Variants in SIAH3 observed in about 807,000 individuals in gnomAD.
SIAH3 encodes the protein seven in absentia homolog 3.
In SIAH3, 9 loss-of-function variants were observed where a neutral mutation model predicts 12.6. The ratio of observed to expected loss-of-function variants is 0.72; its 90% CI spans 0.43 to 1.25. SIAH3 has a LOEUF of 1.25. Ranked by LOEUF, SIAH3 falls within the 50% of genes most tolerant of loss-of-function variation. The pLI, the probability that SIAH3 is intolerant of heterozygous loss-of-function variation, is 0.00. For synonymous variants in SIAH3, 154 were observed against 151.1 expected, an observed-to-expected ratio of 1.02 and a Z score of -0.14; for missense variants, 390 against 365.4, an observed-to-expected ratio of 1.07 and a Z score of -0.55.
At chr13:45,824,359 G>A (rs895808242) in intron 1 of SIAH3, among the ~76,000 whole-genome samples, 4 of 152,184 alleles carry the variant, frequency 2.6e-5, no homozygotes, top group African/African-American at 9.7e-5. Flanking sequence ...CCCACAGCAG[G>A]CACAGGACCT....
intron 1 of SIAH3, among the ~76,000 whole-genome samples, chr13:45,837,995 T>C (rs1411398527): frequency 6.6e-6 from 1 of 152,208 alleles, no homozygotes; most frequent in Non-Finnish European, 1.5e-5. Context: ...ATTTTATGTC[T>C]ATTGTATTCA....
intron 1 of SIAH3, among the ~76,000 whole-genome samples, chr13:45,800,547 C>A (rs1275825894): frequency 2.0e-5 from 3 of 152,272 alleles, no homozygotes; most frequent in Middle Eastern, 3.4e-3. Context: ...CCTCTGCTGC[C>A]CACCCTCAAC....
intron 1 of SIAH3, among the ~76,000 whole-genome samples, chr13:45,805,371 A>G (rs1330196567): frequency 6.6e-6 from 1 of 152,198 alleles, no homozygotes; most frequent in Non-Finnish European, 1.5e-5. Flanking sequence ...ATACTGGTAT[A>G]AAAACAGACC....
At chr13:45,846,182 C>G (rs556595627) in intron 1 of SIAH3, among the ~76,000 whole-genome samples, 2 of 148,934 alleles carry the variant, frequency 1.3e-5, no homozygotes, top group South Asian at 2.1e-4. Flanking sequence ...GTCTGCCTCC[C>G]GGGTTCAAGC....
intron 1 of SIAH3, among the ~76,000 whole-genome samples, chr13:45,816,747 C>T (rs942672169): frequency 2.6e-5 from 4 of 152,190 alleles, no homozygotes; most frequent in Admixed American, 2.6e-4. Flanking sequence ...CCAAGACAGC[C>T]AATCCAGTGT....
rs1228759332 is a variant in SIAH3, at chr13:45,782,451, C to T, written c.*932G>A. ...TTTGCATGATATGAAAGAACTGCAC[C>T]CTAGGGAGGAACTGATGGATTTTAT... On this transcript the variant is annotated 3_prime_UTR_variant, in exon 2 of 2. Transcript: ENST00000400405. 2 of 152,032 alleles carry T rather than the reference C, an allele frequency of 1.3e-5. No individual in the cohort carries two copies. The highest frequency in any genetic ancestry group is 2.9e-5 in the Non-Finnish European group (2 of 67,994). 9.4% of individuals were successfully genotyped at this position (152,032 alleles called of 1,614,324 possible).
chr13:45,791,171 A>G (rs1430075924), intron 1 of SIAH3, among the ~76,000 whole-genome samples: 2 of 152,110 alleles, frequency 1.3e-5, no homozygotes, highest in Non-Finnish European at 2.9e-5. Context: ...TCAAAGAAAA[A>G]AAAAAAGAAA....
At chr13:45,834,599 G>A (rs1950711591) in intron 1 of SIAH3, among the ~76,000 whole-genome samples, 2 of 152,154 alleles carry the variant, frequency 1.3e-5, no homozygotes, top group Admixed American at 1.3e-4. Context: ...GGTCCTCTTG[G>A]AGGCTGTCCC....
chr13:45,807,647 A>C (rs1470572285), intron 1 of SIAH3, among the ~76,000 whole-genome samples: 2 of 152,214 alleles, frequency 1.3e-5, no homozygotes, highest in Non-Finnish European at 2.9e-5. Flanking sequence ...GAGAAGACTC[A>C]GTGTAAAAAA....
At chr13:45,799,891 C>T (rs1950575567) in intron 1 of SIAH3, among the ~76,000 whole-genome samples, 1 of 152,208 alleles carries the variant, frequency 6.6e-6, no homozygotes, top group Non-Finnish European at 1.5e-5. Context: ...GAAGATAAAT[C>T]TTCTGGGGGG....
In SIAH3 at chr13:45,835,099, C is replaced by T. The variant is rs527675207; in HGVS notation, c.135+16396G>A. Among the ~76,000 whole-genome samples the T allele has an allele frequency of 2.4e-4, 36 of 152,282 alleles. 1 individual carries two copies. Among genetic ancestry groups the T allele is most frequent in the African/African-American group, 8.2e-4 (34 of 41,564 alleles). On this transcript the variant is annotated intron_variant, in intron 1 of 1. Transcript: ENST00000400405. The stretch of plus-strand genomic sequence containing the variant: ...AAAGGCAGAAAGAGGAAGACTGATT[C>T]TCTCCCACCACCTCCCAAACCACAA...
intron 1 of SIAH3, among the ~76,000 whole-genome samples, chr13:45,809,030 C>T (rs1257109501): frequency 6.6e-6 from 1 of 152,160 alleles, no homozygotes; most frequent in East Asian, 1.9e-4. Flanking sequence ...GGCTTCCAAC[C>T]CTATTGTAAC....
chr13:45,790,627 A>G (rs1024627709), intron 1 of SIAH3, among the ~76,000 whole-genome samples: 1 of 152,204 alleles, frequency 6.6e-6, no homozygotes, highest in African/African-American at 2.4e-5. Context: ...CTGCTAGTAC[A>G]GTGCCCGACA....
rs1397742474 is a variant in SIAH3 at position 45,781,461 on chromosome 13, C to T, written c.*1922G>A. 1 of 152,240 alleles carries T rather than the reference C, an allele frequency of 6.6e-6. No homozygotes were observed. The highest frequency in any genetic ancestry group is 1.5e-5 in the Non-Finnish European group (1 of 68,060). 9.4% of individuals were successfully genotyped at this position (152,240 alleles called of 1,614,324 possible). A position where few individuals can be genotyped will look rare whatever the true frequency, so the allele number is the denominator to read the frequency against. ...ACCAGCCTCAGGTGTTCTTGGGCAT[C>T]TGTGTGATTGGAGGAGGGTGGCTGG... On this transcript the variant is annotated 3_prime_UTR_variant, in exon 2 of 2. Transcript: ENST00000400405.
In SIAH3 at chr13:45,779,092, A is replaced by G. The variant is rs1225935338; in HGVS notation, c.*4291T>C. 1.3e-5 allele frequency: 2 copies of G among 152,332 alleles called. No individual in the cohort carries two copies. The highest frequency in any genetic ancestry group is 2.1e-4 in the South Asian group (1 of 4,832). 9.4% of individuals were successfully genotyped at this position (152,332 alleles called of 1,614,324 possible). ...CCATGGCTAATTTCAAGCAATCACCATGACGTCACTAAATGTGGAGCTGGA... is the reference window on the plus strand; with the variant it reads ...CCATGGCTAATTTCAAGCAATCACCGTGACGTCACTAAATGTGGAGCTGGA... On this transcript the variant is annotated 3_prime_UTR_variant, in exon 2 of 2. Transcript: ENST00000400405.
At chr13:45,809,084 G>T (rs1950607834) in intron 1 of SIAH3, among the ~76,000 whole-genome samples, 2 of 152,160 alleles carry the variant, frequency 1.3e-5, no homozygotes, top group Non-Finnish European at 2.9e-5. Flanking sequence ...AAAAGAAGTT[G>T]ATGTGGGTCA....
intron 1 of SIAH3, among the ~76,000 whole-genome samples, chr13:45,845,184 T>C (rs902854576): frequency 3.6e-5 from 5 of 138,652 alleles, no homozygotes; most frequent in Non-Finnish European, 6.5e-5. Context: ...ATTTGTTTTA[T>C]GCATTTTTTT....
rs963700891 is a variant in SIAH3, at chr13:45,780,822, C to A, written c.*2561G>T. ...AAAAGATCACTTCATGTCTTAGAAC[C>A]TCTATTCTGTTAGTATATTGAGGAT... On this transcript the variant is annotated 3_prime_UTR_variant, in exon 2 of 2. Transcript: ENST00000400405. 5 of 152,138 alleles carry A rather than the reference C, an allele frequency of 3.3e-5. No individual in the cohort carries two copies. The highest frequency in any genetic ancestry group is 5.9e-5 in the Non-Finnish European group (4 of 68,036). The allele number at this position is 152,138 out of a possible 1,614,324, so 9.4% of individuals were successfully genotyped here. A position where few individuals can be genotyped will look rare whatever the true frequency, so the allele number is the denominator to read the frequency against.
rs202034815 is a variant in SIAH3 at position 45,783,270 on chromosome 13, T to TAA, written c.*111_*112dup. 0.012 allele frequency: 6,574 copies of TAA among 565,696 alleles called. 2 individuals carry two copies. The highest frequency in any genetic ancestry group is 0.014 in the Non-Finnish European group (5,413 of 376,658). 35.0% of individuals were successfully genotyped at this position (565,696 alleles called of 1,614,324 possible). ...CAAAAAAATAATAATAATTAAAAAT[T>TAA]AAAAAAAAAAAAAAGAAAGGAGAAG... is the stretch of plus-strand genomic sequence containing the variant. On this transcript the variant is annotated 3_prime_UTR_variant, in exon 2 of 2. Coordinates refer to ENST00000400405, the MANE Select transcript of SIAH3 (RefSeq NM_198849.3).
Sources: allele counts gnomAD v4.1 joint callset (sites outside exome capture counted in the v4.1 genomes callset), GRCh38; gene constraint gnomAD v4.1.1; transcripts MANE v1.5; gene names NCBI Gene and HGNC (gene_info 2026-07-23, HGNC 2026-07-21).